The following MCTP1 variants were observed in gnomAD, a reference collection of about 807,000 sequenced individuals.
MCTP1 encodes multiple C2 and transmembrane domain-containing protein 1.
MCTP1 carries 69 observed loss-of-function variants against 120.6 expected under a neutral mutation model. That is an observed-to-expected ratio of 0.57 (90% CI 0.47 to 0.70). MCTP1 has a LOEUF of 0.70. Ranked by LOEUF, MCTP1 falls within the 30% of genes least tolerant of loss-of-function variation. MCTP1 has a pLI of 0.00. For synonymous variants in MCTP1, 529 were observed against 493.1 expected (o/e 1.07, Z -0.96); for missense variants, 1,203 against 1,248.8 (o/e 0.96, Z 0.55).
chr5:95,156,262 A>C (rs549884989), intron 1 of MCTP1, among the ~76,000 whole-genome samples: 59 of 152,322 alleles, frequency 3.9e-4, no homozygotes, highest in African/African-American at 1.4e-3. Context: ...TAAGTTGCTA[A>C]GTGGTAATTT....
chr5:94,840,568 C>CA (rs962723441), intron 17 of MCTP1, among the ~76,000 whole-genome samples: 8 of 152,186 alleles, frequency 5.3e-5, no homozygotes, highest in African/African-American at 1.9e-4. Context: ...CATATAACAC[C>CA]ATTTTTTTTT....
intron 1 of MCTP1, among the ~76,000 whole-genome samples, chr5:95,039,960 T>C (rs1350245591): frequency 6.6e-6 from 1 of 150,986 alleles, no homozygotes; most frequent in Non-Finnish European, 1.5e-5. Context: ...ACACTAGGTG[T>C]CACTGCTAAT....
intron 1 of MCTP1, among the ~76,000 whole-genome samples, chr5:95,119,981 G>A (rs1244163543): frequency 1.3e-5 from 2 of 151,912 alleles, no homozygotes; most frequent in Non-Finnish European, 2.9e-5. Context: ...GACCATCCTG[G>A]CTAGTATGGT....
chr5:94,909,289 C>T lies in MCTP1; in HGVS notation c.1614G>A (p.Trp538Ter), dbSNP rs767133968. Residue 538 changes from tryptophan (W) to a stop codon, truncating the protein, a stop_gained, in exon 10 of 23, where the codon TGG becomes TGA. Transcript: ENST00000515393. LOFTEE classifies it high-confidence loss of function. Reference sequence around the variant, plus strand: ...CATCCCTTTTCCCAGCATCTTTGTCCCATGCAGTGATATCAATGACTCCTC... The same window carrying T: ...CATCCCTTTTCCCAGCATCTTTGTCTCATGCAGTGATATCAATGACTCCTC... ...ERGGVIDITA[W>*]DKDAGKRDDF... 6.2e-7 allele frequency: 1 copy of T among 1,611,560 alleles called. No individual in the cohort carries two copies. Among genetic ancestry groups the T allele is most frequent in the South Asian group, 1.1e-5 (1 of 90,536 alleles).
chr5:94,734,904 T>G (rs1763881980), intron 19 of MCTP1, among the ~76,000 whole-genome samples: 1 of 152,218 alleles, frequency 6.6e-6, no homozygotes, highest in African/African-American at 2.4e-5. Flanking sequence ...TCATGACCTA[T>G]GGTATTGATG....
chr5:95,059,549 C>A (rs1748361811), intron 1 of MCTP1, among the ~76,000 whole-genome samples: 1 of 151,738 alleles, frequency 6.6e-6, no homozygotes, highest in Non-Finnish European at 1.5e-5. Context: ...GCACATGCAC[C>A]CCTGAATCTA....
chr5:94,828,867 T>A (rs978420725), intron 17 of MCTP1, among the ~76,000 whole-genome samples: 1 of 152,168 alleles, frequency 6.6e-6, no homozygotes, highest in Non-Finnish European at 1.5e-5. Flanking sequence ...AGCCAGTGGA[T>A]CTTAGCTTAC....
chr5:95,215,039 C>T (rs796496114), intron 1 of MCTP1, among the ~76,000 whole-genome samples: 1 of 152,120 alleles, frequency 6.6e-6, no homozygotes, highest in African/African-American at 2.4e-5. Flanking sequence ...TCAAACATCT[C>T]AGATCAAGAA....
intron 1 of MCTP1, among the ~76,000 whole-genome samples, chr5:95,260,409 T>G (rs1203701103): frequency 1.3e-5 from 2 of 152,172 alleles, no homozygotes; most frequent in African/African-American, 4.8e-5. Context: ...AGGGTTCTCG[T>G]GACTGGAAAT....
chr5:95,284,337 C>A lies in MCTP1; in HGVS notation c.239G>T (p.Gly80Val), dbSNP rs1334349872. 1.3e-6 allele frequency: 2 copies of A among 1,597,226 alleles called. No homozygotes were observed. The highest frequency in any genetic ancestry group is 1.7e-5 in the Admixed American group (1 of 59,990). The change falls in exon 1 of 23, where the codon GGC becomes GTC. Residue 80 changes from glycine to valine, a missense_variant. Around this residue, in one of 2 missense-constraint regions of MCTP1, gnomAD observed 463 missense variants for 377.8 expected, o/e 1.23. Coordinates refer to ENST00000515393, the MANE Select transcript of MCTP1 (RefSeq NM_024717.7). This position sits in a 1 kb window ranked among gnomAD's most constrained non-coding sequence, Gnocchi z 5.2. ...RGSGAGSRWS[G>V]FKKRKQVLDR... ...CAGCACTTGCTTCCGCTTCTTGAAG[C>A]CGCTCCACCTGCTGCCTGCACCACT...
intron 2 of MCTP1, among the ~76,000 whole-genome samples, chr5:94,973,365 G>A (rs1429766873): frequency 6.6e-6 from 1 of 152,164 alleles, no homozygotes; most frequent in Admixed American, 6.5e-5. Flanking sequence ...GTTCCCCCAT[G>A]AGAGACAAGA....
chr5:95,095,055 G>T (rs1309987100), intron 1 of MCTP1, among the ~76,000 whole-genome samples: 1 of 98,884 alleles, frequency 1.0e-5, no homozygotes, highest in African/African-American at 4.2e-5. Flanking sequence ...ACGGAGTCTC[G>T]CTCTGTCGCC....
intron 1 of MCTP1, among the ~76,000 whole-genome samples, chr5:95,220,258 GTACAA>G (rs1048651258): frequency 8.7e-4 from 132 of 151,518 alleles, no homozygotes; most frequent in African/African-American, 3.1e-3. Context: ...GATTTTCATA[GTACAA>G]TATTTAAAAA....
Position 94,868,432 on chromosome 5 carries a change from G to T in MCTP1, c.2337C>A (p.Ile779=), listed in dbSNP as rs151277180. 9 of 1,600,336 alleles carry T rather than the reference G, an allele frequency of 5.6e-6. No homozygotes were observed. The highest frequency in any genetic ancestry group is 7.7e-6 in the Non-Finnish European group (9 of 1,174,102). The part of the protein sequence containing the change: ...LSKQLLLRNF[I]RMKRCVMVLV... Reference sequence around the variant, plus strand: ...GCACCATGACACAACGTTTCATTCTGATAAAGTTTCTTAGTAGCAGCTGTA... The same window carrying T: ...GCACCATGACACAACGTTTCATTCTTATAAAGTTTCTTAGTAGCAGCTGTA... The change falls in exon 17 of 23, where the codon ATC becomes ATA. Residue 779 remains isoleucine (I), a synonymous_variant. Coordinates refer to ENST00000515393, the MANE Select transcript of MCTP1 (RefSeq NM_024717.7).
intron 17 of MCTP1, among the ~76,000 whole-genome samples, chr5:94,864,359 TTC>T (rs1796399997): frequency 6.6e-6 from 1 of 151,938 alleles, no homozygotes; most frequent in Non-Finnish European, 1.5e-5. Context: ...CCTTTAGTTA[TTC>T]TGTTAGGAAT....
At chr5:95,100,799 G>A (rs1319305374) in intron 1 of MCTP1, among the ~76,000 whole-genome samples, 1 of 152,128 alleles carries the variant, frequency 6.6e-6, no homozygotes, top group Non-Finnish European at 1.5e-5. Context: ...CACTCAGTAG[G>A]GGTGAAAGCA....
chr5:95,217,769 C>A (rs1582565796), intron 1 of MCTP1, among the ~76,000 whole-genome samples: 1 of 152,122 alleles, frequency 6.6e-6, no homozygotes, highest in Non-Finnish European at 1.5e-5. Flanking sequence ...GCATTAACCA[C>A]CCCTCATTTA....
intron 1 of MCTP1, among the ~76,000 whole-genome samples, chr5:95,280,608 A>G (rs1419179960): frequency 1.3e-5 from 2 of 152,208 alleles, no homozygotes; most frequent in Non-Finnish European, 2.9e-5. Flanking sequence ...GTATGACAAT[A>G]TGGCCCAACA....
intron 18 of MCTP1, among the ~76,000 whole-genome samples, chr5:94,796,664 A>T (rs1780147654): frequency 2.5e-5 from 3 of 119,122 alleles, no homozygotes; most frequent in African/African-American, 9.0e-5. Flanking sequence ...TATATTATAT[A>T]TATATGTATT....
Sources: allele counts gnomAD v4.1 joint callset (sites outside exome capture counted in the v4.1 genomes callset), GRCh38; gene constraint gnomAD v4.1.1; regional missense constraint gnomAD v4.1.1; non-coding constraint Gnocchi (gnomAD v3.1); transcripts MANE v1.5; gene names NCBI Gene and HGNC (gene_info 2026-07-23, HGNC 2026-07-21).